Variants in DPP10 observed in about 807,000 individuals in gnomAD.
DPP10 encodes the protein inactive dipeptidyl peptidase 10.
Under a neutral mutation model 120.9 loss-of-function variants are expected in DPP10, and 33 were observed. The observed-to-expected ratio is 0.27, with a 90% CI of 0.21 to 0.37. The LOEUF is 0.37. Among genes scored for constraint, DPP10 ranks in the 10% least tolerant of loss-of-function variants. The pLI is 1.00. For synonymous variants in DPP10, 337 were observed against 326.1 expected, an observed-to-expected ratio of 1.03 and a Z score of -0.36; for missense variants, 816 against 942.8, an observed-to-expected ratio of 0.87 and a Z score of 1.76.
chr2:115,383,124 T>A (rs1287399827), intron 3 of DPP10, among the ~76,000 whole-genome samples: 1 of 152,186 alleles, frequency 6.6e-6, no homozygotes, highest in Non-Finnish European at 1.5e-5. Flanking sequence ...AGTTTTCAGA[T>A]TAAAGAATCA....
intron 5 of DPP10, among the ~76,000 whole-genome samples, chr2:115,618,157 C>T (rs1180722477): frequency 6.6e-6 from 1 of 152,042 alleles, no homozygotes; most frequent in African/African-American, 2.4e-5. Context: ...AGGATGGTCT[C>T]CTGATGAGTT....
chr2:114,597,138 C>A (rs376643135), intron 1 of DPP10, among the ~76,000 whole-genome samples: 1 of 151,804 alleles, frequency 6.6e-6, no homozygotes, highest in South Asian at 2.1e-4. Context: ...GGTGGCCAGG[C>A]AGAAAAGAGT....
At chr2:115,171,765 T>C (rs2053359272) in intron 1 of DPP10, among the ~76,000 whole-genome samples, 3 of 151,696 alleles carry the variant, frequency 2.0e-5, no homozygotes, top group Admixed American at 2.0e-4. Context: ...TTTGTGTCCA[T>C]AGGCAAGGCT....
chr2:114,712,661 G>A (rs1473747352), intron 1 of DPP10, among the ~76,000 whole-genome samples: 2 of 152,030 alleles, frequency 1.3e-5, no homozygotes, highest in African/African-American at 4.8e-5. Context: ...AATCATAAAA[G>A]CATTACATAT....
At chr2:114,707,413 A>G (rs1368663076) in intron 1 of DPP10, among the ~76,000 whole-genome samples, 1 of 152,226 alleles carries the variant, frequency 6.6e-6, no homozygotes, top group Non-Finnish European at 1.5e-5. Flanking sequence ...ATGAATTTAT[A>G]TCCACTGTTG....
chr2:115,636,651 T>C (rs1454570812), intron 5 of DPP10, among the ~76,000 whole-genome samples: 2 of 151,990 alleles, frequency 1.3e-5, no homozygotes, highest in Non-Finnish European at 2.9e-5. Flanking sequence ...AAATGAAGTA[T>C]ATATGGAAAG....
At chr2:115,064,346 G>C (rs1343723750) in intron 1 of DPP10, among the ~76,000 whole-genome samples, 2 of 152,160 alleles carry the variant, frequency 1.3e-5, no homozygotes, top group Non-Finnish European at 2.9e-5. Flanking sequence ...CAGCAAAGCA[G>C]GGAAGAAGGG....
intron 1 of DPP10, among the ~76,000 whole-genome samples, chr2:115,209,198 C>G (rs1238706890): frequency 2.0e-5 from 3 of 152,118 alleles, no homozygotes; most frequent in Non-Finnish European, 4.4e-5. Flanking sequence ...CAAACATTCT[C>G]AGTTTCAGGA....
intron 1 of DPP10, among the ~76,000 whole-genome samples, chr2:115,127,595 T>A (rs1365111829): frequency 6.6e-6 from 1 of 152,226 alleles, no homozygotes; most frequent in Non-Finnish European, 1.5e-5. Flanking sequence ...AATAGCTGTA[T>A]GATTCAAATA....
chr2:114,788,060 C>A (rs926602829), intron 1 of DPP10, among the ~76,000 whole-genome samples: 2 of 152,098 alleles, frequency 1.3e-5, no homozygotes, highest in African/African-American at 2.4e-5. Context: ...GAAGTACCCT[C>A]AAGGTAGAAA....
At chr2:114,914,931 A>G (rs1482920187) in intron 1 of DPP10, among the ~76,000 whole-genome samples, 2 of 152,162 alleles carry the variant, frequency 1.3e-5, no homozygotes, top group Non-Finnish European at 2.9e-5. Flanking sequence ...GGAGATCGAG[A>G]CCATCCCGGC....
chr2:114,711,165 G>T (rs1183260156), intron 1 of DPP10, among the ~76,000 whole-genome samples: 5 of 152,184 alleles, frequency 3.3e-5, no homozygotes, highest in Non-Finnish European at 1.5e-5. Flanking sequence ...ACGTTTGAGT[G>T]CCCTTTCTTC....
At chr2:114,960,945 G>A (rs1698569307) in intron 1 of DPP10, among the ~76,000 whole-genome samples, 1 of 138,490 alleles carries the variant, frequency 7.2e-6, no homozygotes, top group Non-Finnish European at 1.5e-5. Context: ...AAATCTAATT[G>A]TCATTGTTTA....
At chr2:115,533,490 T>C (rs2078599070) in intron 5 of DPP10, among the ~76,000 whole-genome samples, 1 of 152,124 alleles carries the variant, frequency 6.6e-6, no homozygotes, top group South Asian at 2.1e-4. Flanking sequence ...CTATTTTAAC[T>C]AAGAAGTAAT....
chr2:114,587,873 G>T (rs1301478800), intron 1 of DPP10, among the ~76,000 whole-genome samples: 3 of 152,210 alleles, frequency 2.0e-5, no homozygotes, highest in Non-Finnish European at 2.9e-5. Context: ...AATAATATTT[G>T]TGAGGACCAG....
intron 13 of DPP10, among the ~76,000 whole-genome samples, chr2:115,773,880 G>A (rs537150518): frequency 3.3e-5 from 5 of 152,202 alleles, no homozygotes; most frequent in African/African-American, 7.2e-5. Context: ...ACAGTCTTAT[G>A]TAGATTATTA....
At chr2:115,777,496 C>T (rs1682255032) in intron 14 of DPP10, among the ~76,000 whole-genome samples, 197 bp downstream of exon 14, 1 of 151,660 alleles carries the variant, frequency 6.6e-6, no homozygotes, top group Non-Finnish European at 1.5e-5. Context: ...TGCACACGCA[C>T]ACACACACAC....
rs984233759 is a variant in DPP10, at chr2:114,630,863, A to C, written c.60+188025A>C. On this transcript the variant is annotated intron_variant, in intron 1 of 25. Coordinates refer to ENST00000410059, the MANE Select transcript of DPP10 (RefSeq NM_020868.6). ...CCTCCCTACCATGTGGGAGGGATGA[A>C]GATGCTTCTCCCTGATTTCAAGTCT... is the stretch of plus-strand genomic sequence containing the variant. Among the ~76,000 whole-genome samples, 3 of 152,020 alleles carry C rather than the reference A, an allele frequency of 2.0e-5. No individual in the cohort carries two copies. The East Asian group carries it at 5.8e-4, about 29-fold the overall frequency.
intron 1 of DPP10, among the ~76,000 whole-genome samples, chr2:114,537,676 C>A (rs1166101527): frequency 6.6e-6 from 1 of 152,134 alleles, no homozygotes; most frequent in Non-Finnish European, 1.5e-5. Context: ...CCCATTTGAT[C>A]ATTATGACAA....
Sources: allele counts gnomAD v4.1 joint callset (sites outside exome capture counted in the v4.1 genomes callset), GRCh38; gene constraint gnomAD v4.1.1; transcripts MANE v1.5; gene names NCBI Gene and HGNC (gene_info 2026-07-23, HGNC 2026-07-21).